Variants in PDE4D observed in about 807,000 individuals in gnomAD.
PDE4D encodes phosphodiesterase 4D, also known as 3',5'-cyclic-AMP phosphodiesterase 4D.
PDE4D carries 24 observed loss-of-function variants against 87.4 expected under a neutral mutation model. That is an observed-to-expected ratio of 0.27 (90% CI 0.20 to 0.39). PDE4D has a LOEUF of 0.39. Among genes scored for constraint, PDE4D ranks in the 10% least tolerant of loss-of-function variants. The pLI is 1.00. For synonymous variants in PDE4D, 384 were observed against 383.2 expected (o/e 1.00, Z -0.02); for missense variants, 714 against 1,041.0 (o/e 0.69, Z 4.32).
intron 1 of PDE4D, among the ~76,000 whole-genome samples, chr5:60,419,780 T>C (rs1281997299): frequency 6.6e-6 from 1 of 152,154 alleles, no homozygotes; most frequent in East Asian, 1.9e-4. Flanking sequence ...AAGTAAAATA[T>C]ATGAGGCAAC....
At chr5:59,579,848 C>T (rs1823791580) in intron 1 of PDE4D, among the ~76,000 whole-genome samples, 2 of 152,300 alleles carry the variant, frequency 1.3e-5, no homozygotes, top group South Asian at 4.1e-4. Flanking sequence ...TCCAGAGAGG[C>T]ACTTTTTAGT....
At chr5:59,393,005 T>C (rs1788555882) in intron 1 of PDE4D, among the ~76,000 whole-genome samples, 1 of 152,088 alleles carries the variant, frequency 6.6e-6, no homozygotes, top group Non-Finnish European at 1.5e-5. Flanking sequence ...AAGAAAGGAT[T>C]AATTGAACCT....
In PDE4D at chr5:59,185,174, A is replaced by G. The variant is rs547642323; in HGVS notation, c.758+15T>C. 10 of 1,602,470 alleles carry G rather than the reference A, an allele frequency of 6.2e-6. No homozygotes were observed. The highest frequency in any genetic ancestry group is 2.2e-5 in the East Asian group (1 of 44,784). On this transcript the variant is annotated intron_variant, in intron 4 of 14. Transcript: ENST00000340635. ...AAGTTCAGCAAAAAAGAGGGGGGAA[A>G]AAAGGATATCTTACTTGCTAGGTGC...
chr5:60,460,163 G>C lies in PDE4D; in HGVS notation c.-90+27779C>G, dbSNP rs1407881544. The C allele has an allele frequency of 5.7e-6, 9 of 1,591,118 alleles. No individual in the cohort carries two copies. The Admixed American group carries it at 6.8e-5, about 12-fold the overall frequency. On this transcript the variant is annotated intron_variant, in intron 1 of 16. Transcript: ENST00000502484. ...TTCCTGCTGGCTTTATTCTGCATTT[G>C]ACTTGAACATTTCATCAAATCCTTT...
intron 2 of PDE4D, among the ~76,000 whole-genome samples, chr5:60,134,659 C>T (rs978914548): frequency 6.6e-6 from 1 of 152,174 alleles, no homozygotes; most frequent in Non-Finnish European, 1.5e-5. Context: ...CCATTCACAT[C>T]CTCTCATATA....
intron 1 of PDE4D, among the ~76,000 whole-genome samples, chr5:60,417,330 C>T (rs1469829264): frequency 1.3e-5 from 2 of 152,202 alleles, no homozygotes; most frequent in Admixed American, 6.5e-5. Flanking sequence ...TGCTTGAGTT[C>T]AGATCCTACA....
intron 1 of PDE4D, among the ~76,000 whole-genome samples, chr5:59,468,281 A>G (rs931897064): frequency 6.8e-6 from 1 of 147,918 alleles, no homozygotes; most frequent in African/African-American, 2.5e-5. Flanking sequence ...TTTGAATGCC[A>G]CTTAAAATTC....
rs545180949 is a variant in PDE4D, at chr5:60,369,261, G to A, written c.-90+118681C>T. On this transcript the variant is annotated intron_variant, in intron 1 of 16. Coordinates refer to the PDE4D transcript ENST00000502484. Reference sequence around the variant, plus strand: ...GTTTGAAGCCACCAGGGCAGGTGCTGCTGCTTTGTTTGTGACTGAAGAGGT... The same window carrying A: ...GTTTGAAGCCACCAGGGCAGGTGCTACTGCTTTGTTTGTGACTGAAGAGGT... Among the ~76,000 whole-genome samples the A allele has an allele frequency of 2.0e-5, 3 of 152,148 alleles. No homozygotes were observed. The East Asian group carries it at 5.8e-4, about 29-fold the overall frequency.
chr5:60,131,858 A>G (rs1779615232), intron 2 of PDE4D, among the ~76,000 whole-genome samples: 1 of 152,238 alleles, frequency 6.6e-6, no homozygotes, highest in Non-Finnish European at 1.5e-5. Context: ...GTCCATCAGC[A>G]TTGGCTTATC....
chr5:59,443,427 T>A (rs889225356), intron 1 of PDE4D, among the ~76,000 whole-genome samples: 1 of 152,232 alleles, frequency 6.6e-6, no homozygotes, highest in African/African-American at 2.4e-5. Flanking sequence ...TTATTTTTTA[T>A]TTCCATAAAA....
At chr5:59,300,594 C>T (rs1770020389) in intron 1 of PDE4D, among the ~76,000 whole-genome samples, 1 of 152,002 alleles carries the variant, frequency 6.6e-6, no homozygotes, top group African/African-American at 2.4e-5. Flanking sequence ...GTAGAGAAAA[C>T]TCTCCCTGAT....
At chr5:59,066,664 T>C (rs1226986290) in intron 5 of PDE4D, among the ~76,000 whole-genome samples, 1 of 152,082 alleles carries the variant, frequency 6.6e-6, no homozygotes, top group South Asian at 2.1e-4. Flanking sequence ...GCAGATACTA[T>C]AGTCTGAATG....
At position 59,424,099 on chromosome 5, in the gene PDE4D, G is replaced by A. The variant is rs116235818; in HGVS notation, c.456-208131C>T. ...GCTGAGGGAGAGGAAGCACTTAGGA[G>A]GACTTCCAGGTCTGGGCCATAAGAA... On this transcript the variant is annotated intron_variant, in intron 1 of 14. Transcript: ENST00000340635. Among the ~76,000 whole-genome samples, 287 of 152,224 alleles carry A rather than the reference G, an allele frequency of 1.9e-3. 1 individual carries two copies. The highest frequency in any genetic ancestry group is 6.7e-3 in the African/African-American group (277 of 41,514).
Position 58,990,910 on chromosome 5 carries a change from G to GAAA in PDE4D, c.1189-11_1189-9dup. On this transcript the variant is annotated splice_polypyrimidine_tract_variant and intron_variant, in intron 8 of 14. Coordinates refer to ENST00000340635, the MANE Select transcript of PDE4D (RefSeq NM_001104631.2). Reference sequence around the variant, plus strand: ...GTTCACATCTTCTAGTTCCTGGAGTGAAAAAAAAAAAAAGATACTAAAATA... The same window carrying GAAA: ...GTTCACATCTTCTAGTTCCTGGAGTGAAAAAAAAAAAAAAAAGATACTAAAATA... 2.7e-5 allele frequency: 29 copies of GAAA among 1,081,588 alleles called. No homozygotes were observed. The highest frequency in any genetic ancestry group is 4.6e-5 in the South Asian group (3 of 65,026). The allele number at this position is 1,081,588 out of a possible 1,614,324, so 67.0% of individuals were successfully genotyped here.
intron 1 of PDE4D, among the ~76,000 whole-genome samples, chr5:59,647,972 G>A (rs1342975854): frequency 6.6e-6 from 1 of 152,048 alleles, no homozygotes; most frequent in Non-Finnish European, 1.5e-5. Context: ...TGATTCCAGT[G>A]GTACATGTAA....
chr5:59,034,353 G>C lies in PDE4D; in HGVS notation c.921+4506C>G, dbSNP rs552439445. 5.9e-5 allele frequency among the ~76,000 whole-genome samples: 9 copies of C among 152,170 alleles called. No individual in the cohort carries two copies. The East Asian group carries it at 1.7e-3, about 29-fold the overall frequency. On this transcript the variant is annotated intron_variant, in intron 6 of 14. Transcript: ENST00000340635. ...GTTAATGTAGAAAACAACTGAGGCT[G>C]TTTTCTCTCTATAAAACTAACATGC...
At chr5:59,905,665 A>C (rs907816555) in intron 3 of PDE4D, among the ~76,000 whole-genome samples, 1 of 152,170 alleles carries the variant, frequency 6.6e-6, no homozygotes, top group African/African-American at 2.4e-5. Flanking sequence ...AGATTATATG[A>C]GATAATAGAT....
At chr5:59,387,658 T>C (rs562625869) in intron 1 of PDE4D, among the ~76,000 whole-genome samples, 16 of 152,216 alleles carry the variant, frequency 1.1e-4, no homozygotes, top group African/African-American at 3.6e-4. Context: ...GGTATATATA[T>C]ATTTAAAAAT....
intron 1 of PDE4D, among the ~76,000 whole-genome samples, chr5:59,659,733 C>G (rs1744935437): frequency 6.6e-6 from 1 of 152,148 alleles, no homozygotes; most frequent in Non-Finnish European, 1.5e-5. Context: ...TGTTCCCTTG[C>G]CCAGCCATCA....
Sources: gnomAD v4.1 joint callset for allele counts (sites outside exome capture counted in the v4.1 genomes callset) on GRCh38, gnomAD v4.1.1 for gene constraint, MANE v1.5 for transcripts, NCBI Gene and HGNC (gene_info 2026-07-23, HGNC 2026-07-21) for gene names.